Variants in RIN3 observed in about 807,000 individuals in gnomAD.
RIN3 encodes the protein RAB5 interacting protein 3.
In RIN3, 54 loss-of-function variants were observed where a neutral mutation model predicts 76.3. The observed-to-expected ratio is 0.71, with a 90% CI of 0.57 to 0.89. The LOEUF (loss-of-function observed/expected upper bound fraction) is 0.89, where lower values mean the gene tolerates loss of function less well. Among genes scored for constraint, RIN3 ranks in the 40% least tolerant of loss-of-function variants. The pLI, the probability that RIN3 is intolerant of heterozygous loss-of-function variation, is 0.00. For synonymous variants in RIN3, 576 were observed against 564.0 expected, an observed-to-expected ratio of 1.02 and a Z score of -0.30; for missense variants, 1,256 against 1,322.1, an observed-to-expected ratio of 0.95 and a Z score of 0.78.
intron 3 of RIN3, among the ~76,000 whole-genome samples, chr14:92,592,031 A>G (rs1204390052): frequency 6.6e-6 from 1 of 152,196 alleles, no homozygotes; most frequent in Non-Finnish European, 1.5e-5. Context: ...GTGTATGTGT[A>G]TCTATATATA....
intron 3 of RIN3, among the ~76,000 whole-genome samples, chr14:92,588,518 G>T (rs1239764899): frequency 6.6e-6 from 1 of 151,776 alleles, no homozygotes; most frequent in African/African-American, 2.4e-5. Context: ...GAGCCACCAT[G>T]CCCAGCTGCC....
In RIN3 at chr14:92,643,410, G is replaced by A. The variant is rs555033625; in HGVS notation, c.532+2081G>A. ...CTAATTTACCCAGTTATAACCCTAAGGGCAAGTTTTCAGTTGCTTTTGGGA... is the reference window on the plus strand; with the variant it reads ...CTAATTTACCCAGTTATAACCCTAAAGGCAAGTTTTCAGTTGCTTTTGGGA... On this transcript the variant is annotated intron_variant, in intron 5 of 9. Coordinates refer to ENST00000216487, the MANE Select transcript of RIN3 (RefSeq NM_024832.5). The surrounding 1 kb of genome is among the most constrained non-coding windows in gnomAD (Gnocchi z 4.8). Among the ~76,000 whole-genome samples the A allele has an allele frequency of 6.6e-6, 1 of 152,254 alleles. No homozygotes were observed. Among genetic ancestry groups the A allele is most frequent in the East Asian group, 1.9e-4 (1 of 5,176 alleles).
At position 92,676,514 on chromosome 14, in the gene RIN3, T is replaced by A; in HGVS notation, c.2375T>A (p.Met792Lys). ...GCGGATGACTTCCTGCCTGTGCTCA[T>A]GTATGTGCTGGCCCGCAGCAACCTC... Reference protein sequence around the residue: ...YGADDFLPVLMYVLARSNLTE... With the variant: ...YGADDFLPVLKYVLARSNLTE... Residue 792 changes from methionine to lysine, a missense_variant, in exon 8 of 10, where the codon ATG (methionine) becomes AAG (lysine). This residue lies in a region of RIN3 where 428 missense variants were observed against 521.2 expected (regional missense o/e 0.82). Transcript: ENST00000216487. 6.2e-7 allele frequency: 1 copy of A among 1,614,172 alleles called. No individual in the cohort carries two copies. The highest frequency in any genetic ancestry group is 1.1e-5 in the South Asian group (1 of 91,088).
At position 92,561,123 on chromosome 14, in the gene RIN3, ATATATT is replaced by A. The variant is rs1259705893; in HGVS notation, c.249+5180_249+5185del. Among the ~76,000 whole-genome samples, 80 of 113,130 alleles carry A rather than the reference ATATATT, an allele frequency of 7.1e-4. 2 individuals are homozygous for A. The South Asian group carries it at 0.021, about 29-fold the overall frequency. The allele number at this position is 113,130 out of a possible 152,430, so 74.2% of individuals were successfully genotyped here. A position where few individuals can be genotyped will look rare whatever the true frequency, so the allele number is the denominator to read the frequency against. ...ATATGCCATATTTATATATATTTAT[ATATATT>A]TATATTTATATATATTTTTATATAT... On this transcript the variant is annotated intron_variant, in intron 2 of 9. Coordinates refer to ENST00000216487, the MANE Select transcript of RIN3 (RefSeq NM_024832.5).
chr14:92,642,051 G>C (rs1226383272), intron 5 of RIN3, among the ~76,000 whole-genome samples: 2 of 152,056 alleles, frequency 1.3e-5, no homozygotes, highest in Non-Finnish European at 2.9e-5. Context: ...CAGGCCACCT[G>C]CCTCTTTCAG....
intron 1 of RIN3, among the ~76,000 whole-genome samples, chr14:92,526,943 G>A (rs1174822844): frequency 3.3e-5 from 5 of 152,110 alleles, no homozygotes; most frequent in African/African-American, 9.7e-5. Context: ...TGGTGGCCCA[G>A]GCAATGCCTG....
At chr14:92,620,573 A>G (rs8010344) in intron 4 of RIN3, among the ~76,000 whole-genome samples, 19,802 of 152,304 alleles carry the variant, frequency 0.13, 1,539 homozygotes, top group Non-Finnish European at 0.18. Context: ...AACTATTCAC[A>G]GAACCAAATG....
At chr14:92,536,922 C>G (rs1212554500) in intron 1 of RIN3, among the ~76,000 whole-genome samples, 20 of 151,974 alleles carry the variant, frequency 1.3e-4, no homozygotes, top group Admixed American at 1.2e-3. Flanking sequence ...TAACCAGCAA[C>G]AGCAATGCAT....
rs191467980 is a variant in RIN3, at chr14:92,608,019, G to C, written c.368-7388G>C. On this transcript the variant is annotated intron_variant, in intron 3 of 9. Transcript: ENST00000216487. ...AGTTGTCAGGGCTAGTGATGGGGAG[G>C]GGGTAGATGTGGCTATGAAGGGATA... Among the ~76,000 whole-genome samples the C allele has an allele frequency of 4.5e-3, 686 of 152,312 alleles. 7 individuals are homozygous for C. The highest frequency in any genetic ancestry group is 8.2e-3 in the Non-Finnish European group (557 of 68,028).
intron 4 of RIN3, among the ~76,000 whole-genome samples, chr14:92,616,997 A>C (rs1885993508): frequency 6.6e-6 from 1 of 152,140 alleles, no homozygotes; most frequent in Non-Finnish European, 1.5e-5. Context: ...GCCTGCCAGA[A>C]TTTTGTTTAA....
chr14:92,572,392 G>T (rs74490623), intron 2 of RIN3, among the ~76,000 whole-genome samples: 1 of 152,204 alleles, frequency 6.6e-6, no homozygotes, highest in East Asian at 1.9e-4. Context: ...TTGAGCCCAC[G>T]GGCACAGTTT....
At chr14:92,658,238 C>T (rs1325936128) in intron 6 of RIN3, among the ~76,000 whole-genome samples, 1 of 152,190 alleles carries the variant, frequency 6.6e-6, no homozygotes, top group East Asian at 1.9e-4. Context: ...AAGAGCTGAT[C>T]GGGAATGCCT....
chr14:92,548,565 C>A (rs1210762247), intron 1 of RIN3, among the ~76,000 whole-genome samples: 1 of 152,168 alleles, frequency 6.6e-6, no homozygotes, highest in Non-Finnish European at 1.5e-5. Context: ...AAGGGAGGAT[C>A]CGTCCCATGC....
intron 4 of RIN3, among the ~76,000 whole-genome samples, chr14:92,638,104 G>A (rs1886841616): frequency 6.6e-6 from 1 of 152,238 alleles, no homozygotes; most frequent in African/African-American, 2.4e-5. Flanking sequence ...AAGAGGTGCA[G>A]TGGTGAATTG....
Position 92,652,578 on chromosome 14 carries a change from C to T in RIN3, c.1529C>T (p.Thr510Ile). The stretch of plus-strand genomic sequence containing the variant: ...CAAAGCCCTGCTTCTCAGGCTGGGA[C>T]TCAGCACCCTCCTGCCCAGGCCACT... ...EGQSPASQAG[T>I]QHPPAQATAH... The change falls in exon 6 of 10, where the codon ACT (threonine) becomes ATT (isoleucine). Residue 510 changes from threonine (T) to isoleucine (I), a missense_variant. Transcript: ENST00000216487. The surrounding 1 kb of genome is among the most constrained non-coding windows in gnomAD (Gnocchi z 6.4). 6.2e-7 allele frequency: 1 copy of T among 1,612,324 alleles called. No homozygotes were observed. The highest frequency in any genetic ancestry group is 8.5e-7 in the Non-Finnish European group (1 of 1,179,874).
chr14:92,545,753 T>A (rs1369915000), intron 1 of RIN3, among the ~76,000 whole-genome samples: 1 of 151,722 alleles, frequency 6.6e-6, no homozygotes, highest in Admixed American at 6.6e-5. Context: ...AGCTTCTAAT[T>A]TTTTCTAAAT....
intron 1 of RIN3, among the ~76,000 whole-genome samples, chr14:92,517,939 C>T (rs1301418197): frequency 6.6e-6 from 1 of 152,176 alleles, no homozygotes; most frequent in East Asian, 1.9e-4. Context: ...TTTAAAAGGT[C>T]CCTCAAGAAA....
chr14:92,553,046 AAATG>A (rs1478187665), intron 1 of RIN3, among the ~76,000 whole-genome samples: 8 of 149,918 alleles, frequency 5.3e-5, no homozygotes, highest in South Asian at 2.1e-4. Context: ...AAAAAAAAAA[AAATG>A]GGGATGAGCC....
intron 3 of RIN3, among the ~76,000 whole-genome samples, chr14:92,606,000 C>G (rs1300678463): frequency 6.6e-6 from 1 of 151,802 alleles, no homozygotes; most frequent in Non-Finnish European, 1.5e-5. Context: ...TTGGAAAGAC[C>G]CTATTAAGAG....
Sources: gnomAD v4.1 joint callset for allele counts (sites outside exome capture counted in the v4.1 genomes callset) on GRCh38, gnomAD v4.1.1 for gene constraint, gnomAD v4.1.1 regional missense constraint, Gnocchi (gnomAD v3.1) non-coding constraint, MANE v1.5 for transcripts, NCBI Gene and HGNC (gene_info 2026-07-23, HGNC 2026-07-21) for gene names.